The following CRLS1 variants were observed in gnomAD, a reference collection of about 807,000 sequenced individuals.
CRLS1 encodes cardiolipin synthase (CMP-forming).
Under a neutral mutation model 37.0 loss-of-function variants are expected in CRLS1, and 24 were observed. That is an observed-to-expected ratio of 0.65 (90% CI 0.47 to 0.91). The LOEUF is 0.91. Among genes scored for constraint, CRLS1 ranks in the 40% least tolerant of loss-of-function variants. CRLS1 has a pLI of 0.00. For synonymous variants in CRLS1, 135 were observed against 159.7 expected (o/e 0.85, Z 1.17); for missense variants, 373 against 395.8 (o/e 0.94, Z 0.49).
intron 3 of CRLS1, among the ~76,000 whole-genome samples, chr20:6,025,449 A>G (rs764391541): frequency 2.6e-5 from 4 of 152,222 alleles, no homozygotes; most frequent in Admixed American, 6.5e-5. Flanking sequence ...GTTACTGCTC[A>G]TTGACAACAC....
intron 2 of CRLS1, 89 bp downstream of exon 2, chr20:6,010,001 T>G (rs2090111926): frequency 7.8e-7 from 1 of 1,284,036 alleles, no homozygotes; most frequent in South Asian, 2.2e-5. Context: ...AGCCTGCTTT[T>G]CCTTGGGAGG....
intron 3 of CRLS1, among the ~76,000 whole-genome samples, chr20:6,025,111 A>G (rs760241492): frequency 2.0e-5 from 3 of 152,260 alleles, no homozygotes; most frequent in Non-Finnish European, 4.4e-5. Context: ...CAGATTTTCA[A>G]TGGAGACAAA....
chr20:6,037,635 C>G lies in CRLS1; in HGVS notation c.*477C>G, dbSNP rs1464544120. ...CATTAACAGTTCATGTAATTAATAC[C>G]TGATCATTTGGGATAATGAAAGTGA... is the stretch of plus-strand genomic sequence containing the variant. On this transcript the variant is annotated 3_prime_UTR_variant, in exon 7 of 7. Coordinates refer to ENST00000378863, the MANE Select transcript of CRLS1 (RefSeq NM_019095.6). 1 of 152,088 alleles carries G rather than the reference C, an allele frequency of 6.6e-6. No homozygotes were observed. 9.4% of individuals were successfully genotyped at this position (152,088 alleles called of 1,614,324 possible). A position where few individuals can be genotyped will look rare whatever the true frequency, so the allele number is the denominator to read the frequency against.
chr20:6,009,975 G>A (rs1168597660), intron 2 of CRLS1, 63 bp downstream of exon 2: 12 of 1,514,584 alleles, frequency 7.9e-6, no homozygotes, highest in South Asian at 1.3e-5. Flanking sequence ...CTACTAAACC[G>A]AAATAGCATA....
intron 3 of CRLS1, among the ~76,000 whole-genome samples, chr20:6,027,938 G>A (rs1303980894): frequency 6.6e-6 from 1 of 152,092 alleles, no homozygotes; most frequent in Non-Finnish European, 1.5e-5. Flanking sequence ...TTAGGTTTTG[G>A]CTCTTCTCAC....
chr20:6,007,440 T>C (rs781778845), intron 1 of CRLS1: 31 of 1,607,808 alleles, frequency 1.9e-5, no homozygotes, highest in Non-Finnish European at 2.6e-5. Flanking sequence ...TGAGATTAGC[T>C]CTCCTAACAT....
At chr20:6,007,290 G>A (rs1164855979) in intron 1 of CRLS1, 3 of 1,566,360 alleles carry the variant, frequency 1.9e-6, no homozygotes, top group African/African-American at 2.7e-5. Context: ...GATCCTGGCA[G>A]GGGTCTCAAC....
intron 3 of CRLS1, among the ~76,000 whole-genome samples, chr20:6,021,161 G>A (rs903448246): frequency 6.6e-6 from 1 of 150,958 alleles, no homozygotes; most frequent in Non-Finnish European, 1.5e-5. Flanking sequence ...CTGCCACCTG[G>A]GTCCAAGTGA....
chr20:6,027,030 G>A (rs962321994), intron 3 of CRLS1, among the ~76,000 whole-genome samples: 2 of 152,012 alleles, frequency 1.3e-5, no homozygotes, highest in Admixed American at 6.6e-5. Flanking sequence ...AAATATACAG[G>A]TGAGTGTGAA....
intron 6 of CRLS1, among the ~76,000 whole-genome samples, chr20:6,036,821 G>A (rs1408919935): frequency 6.6e-6 from 1 of 152,162 alleles, no homozygotes; most frequent in Non-Finnish European, 1.5e-5. Context: ...AAAAATGACA[G>A]TTGCTAGTAG....
chr20:6,020,978 G>T (rs1979226672), intron 3 of CRLS1, among the ~76,000 whole-genome samples: 1 of 150,940 alleles, frequency 6.6e-6, no homozygotes. Context: ...CTGTTCTTTT[G>T]CTTTTGGTTT....
chr20:6,006,987 A>G (rs1206813861), intron 1 of CRLS1, among the ~76,000 whole-genome samples: 1 of 152,200 alleles, frequency 6.6e-6, no homozygotes, highest in Non-Finnish European at 1.5e-5. Flanking sequence ...GACCTTTGGT[A>G]ACCTTACACA....
Position 6,032,555 on chromosome 20 carries a change from C to A in CRLS1, c.729+475C>A, listed in dbSNP as rs55736669. Among the ~76,000 whole-genome samples the A allele has an allele frequency of 9.6e-3, 1,466 of 152,086 alleles. 16 individuals are homozygous for A. Among genetic ancestry groups the A allele is most frequent in the Non-Finnish European group, 0.015 (1,035 of 67,996 alleles). On this transcript the variant is annotated intron_variant, in intron 5 of 6. Transcript: ENST00000378863. ...ATGAAGAGTCCCTGGTGGTTTCACT[C>A]CCTCCTTCCCTGTGGTGAAAATACC...
Position 6,006,140 on chromosome 20 carries a change from A to G in CRLS1, c.-107A>G, listed in dbSNP as rs371229705. On this transcript the variant is annotated 5_prime_UTR_variant, in exon 1 of 7. Transcript: ENST00000378863. ...TGTAAAGTAGTATGGAGGCAGCGGTAGCCCAGTGTCTGAGTGGTTGCCGGG... is the reference window on the plus strand; with the variant it reads ...TGTAAAGTAGTATGGAGGCAGCGGTGGCCCAGTGTCTGAGTGGTTGCCGGG... 1.1e-4 allele frequency: 58 copies of G among 513,676 alleles called. No individual in the cohort carries two copies. The East Asian group carries it at 2.0e-3, about 18-fold the overall frequency. The allele number at this position is 513,676 out of a possible 1,614,324, so 31.8% of individuals were successfully genotyped here. A position where few individuals can be genotyped will look rare whatever the true frequency, so the allele number is the denominator to read the frequency against.
intron 1 of CRLS1, among the ~76,000 whole-genome samples, chr20:6,007,676 C>G (rs1168886256): frequency 2.6e-5 from 4 of 152,136 alleles, no homozygotes; most frequent in Non-Finnish European, 5.9e-5. Flanking sequence ...TGATCTTTTG[C>G]TTACTGCTTT....
intron 1 of CRLS1, among the ~76,000 whole-genome samples, chr20:6,008,069 A>G (rs988525027): frequency 2.0e-5 from 3 of 149,452 alleles, no homozygotes; most frequent in African/African-American, 7.4e-5. Context: ...ATAAACACAG[A>G]CATAGTGTCT....
rs780953282 is a variant in CRLS1 at position 6,015,474 on chromosome 20, T to C, written c.558T>C (p.Tyr186=). Residue 186 remains tyrosine (Y), a synonymous_variant, in exon 3 of 7, where the codon TAT becomes TAC. Transcript: ENST00000378863. The stretch of plus-strand genomic sequence containing the variant: ...GTATCTTATATGTTAGCTTGACCTA[T>C]GCAGATCTTATTCCAGGTAAGAACG... ...LISILYVSLT[Y]ADLIPVPLTY... is the part of the protein sequence containing the mutation. 3.2e-5 allele frequency: 52 copies of C among 1,613,372 alleles called. No individual in the cohort carries two copies. The highest frequency in any genetic ancestry group is 4.1e-5 in the Non-Finnish European group (48 of 1,179,520).
chr20:6,033,167 T>C (rs1980304158), intron 5 of CRLS1, among the ~76,000 whole-genome samples: 1 of 151,896 alleles, frequency 6.6e-6, no homozygotes, highest in African/African-American at 2.4e-5. Context: ...TTTGCTCTTG[T>C]TGCCCAGGCT....
chr20:6,011,805 C>T (rs571048622), intron 2 of CRLS1, among the ~76,000 whole-genome samples: 5 of 151,306 alleles, frequency 3.3e-5, no homozygotes, highest in African/African-American at 9.7e-5. Context: ...AGGCTGGTCT[C>T]GAGCTCCTGA....
Sources: allele counts gnomAD v4.1 joint callset (sites outside exome capture counted in the v4.1 genomes callset), GRCh38; gene constraint gnomAD v4.1.1; transcripts MANE v1.5; gene names NCBI Gene and HGNC (gene_info 2026-07-23, HGNC 2026-07-21).